The following VPS36 variants were observed in gnomAD, a reference collection of about 807,000 sequenced individuals.
VPS36 encodes vacuolar protein sorting 36 homolog.
Under a neutral mutation model 63.5 loss-of-function variants are expected in VPS36, and 31 were observed. The ratio of observed to expected loss-of-function variants is 0.49; its 90% confidence interval spans 0.37 to 0.66. The LOEUF is 0.66. Among genes scored for constraint, VPS36 ranks in the 30% least tolerant of loss-of-function variants. The probability of loss-of-function intolerance (pLI) is 0.00; values close to 1 mark genes in which losing one functional copy is unlikely to be tolerated. For synonymous variants in VPS36, 138 were observed against 157.2 expected (o/e 0.88, Z 0.91); for missense variants, 338 against 463.7 (o/e 0.73, Z 2.49).
chr13:52,438,977 C>T (rs1298913310), intron 3 of VPS36, 121 bp downstream of exon 3: 4 of 808,512 alleles, frequency 4.9e-6, no homozygotes, highest in South Asian at 2.4e-5. Flanking sequence ...TACAGCAAAC[C>T]TTAGCTTTAT....
chr13:52,442,818 T>C (rs1178663764), intron 1 of VPS36, among the ~76,000 whole-genome samples: 1 of 152,176 alleles, frequency 6.6e-6, no homozygotes, highest in Admixed American at 6.6e-5. Flanking sequence ...AGTATATGTG[T>C]GTGTCTGCAG....
intron 1 of VPS36, among the ~76,000 whole-genome samples, chr13:52,449,204 C>G (rs529705148): frequency 6.6e-6 from 1 of 152,226 alleles, no homozygotes; most frequent in South Asian, 2.1e-4. Flanking sequence ...ATTAGCCGGG[C>G]ATGGTTGCAG....
At chr13:52,443,439 AAG>A (rs1958301471) in intron 1 of VPS36, among the ~76,000 whole-genome samples, 1 of 152,144 alleles carries the variant, frequency 6.6e-6, no homozygotes, top group Admixed American at 6.5e-5. Context: ...TAAGAAGAGG[AAG>A]AGACAGGAGG....
At chr13:52,422,334 C>T (rs1182077063) in intron 10 of VPS36, among the ~76,000 whole-genome samples, 2 of 151,932 alleles carry the variant, frequency 1.3e-5, no homozygotes, top group Admixed American at 1.3e-4. Context: ...TTGTATGTAT[C>T]TGACATTTTC....
At chr13:52,428,176 CA>C (rs1457559813) in intron 6 of VPS36, among the ~76,000 whole-genome samples, 3 of 151,998 alleles carry the variant, frequency 2.0e-5, no homozygotes, top group Admixed American at 2.0e-4. Context: ...TTTGCTACAG[CA>C]AAAAACTACT....
At chr13:52,437,921 C>T (rs1009974208) in intron 3 of VPS36, among the ~76,000 whole-genome samples, 1 of 150,264 alleles carries the variant, frequency 6.7e-6, no homozygotes, top group South Asian at 2.1e-4. Context: ...CAAAGCAAGA[C>T]GCTGCCTCAA....
intron 8 of VPS36, 148 bp downstream of exon 8, chr13:52,426,841 C>T (rs868413073): frequency 2.8e-5 from 15 of 538,384 alleles, no homozygotes; most frequent in Middle Eastern, 1.0e-3. Flanking sequence ...GGCGACGGAG[C>T]GACACTCCGT....
intron 1 of VPS36, among the ~76,000 whole-genome samples, chr13:52,449,271 G>A (rs917604069): frequency 3.3e-5 from 5 of 152,198 alleles, no homozygotes; most frequent in African/African-American, 1.2e-4. Context: ...TCTGGGAGGC[G>A]GAGGTTGCAG....
chr13:52,430,610 C>T (rs1958145014), intron 6 of VPS36, among the ~76,000 whole-genome samples: 1 of 149,088 alleles, frequency 6.7e-6, no homozygotes, highest in Admixed American at 6.7e-5. Flanking sequence ...CCAGCGTGGG[C>T]AACAGAGCAA....
chr13:52,425,358 G>A (rs1958092115), intron 9 of VPS36, among the ~76,000 whole-genome samples: 2 of 152,100 alleles, frequency 1.3e-5, no homozygotes, highest in South Asian at 4.1e-4. Context: ...GTATTTAAAG[G>A]AGTATTTATC....
intron 10 of VPS36, among the ~76,000 whole-genome samples, chr13:52,421,432 G>A (rs550294360): frequency 3.3e-5 from 5 of 151,922 alleles, no homozygotes; most frequent in Non-Finnish European, 7.4e-5. Flanking sequence ...AGTTAAGACA[G>A]GAAGCATGAG....
At chr13:52,436,469 T>G in intron 3 of VPS36, 65 bp from the exon 4 acceptor site, 1 of 1,108,400 alleles carries the variant, frequency 9.0e-7, no homozygotes, top group Non-Finnish European at 1.3e-6. Context: ...ATTCTACTTT[T>G]ATAACTTTTT....
chr13:52,443,051 T>C (rs1437833963), intron 1 of VPS36, among the ~76,000 whole-genome samples: 2 of 151,910 alleles, frequency 1.3e-5, no homozygotes, highest in Non-Finnish European at 2.9e-5. Flanking sequence ...CATACAAAAA[T>C]AAATATGGAT....
intron 9 of VPS36, among the ~76,000 whole-genome samples, chr13:52,425,168 G>C (rs1437514357): frequency 1.3e-5 from 2 of 150,628 alleles, no homozygotes; most frequent in Non-Finnish European, 2.9e-5. Context: ...CAGGAGAATG[G>C]TGTGAACCTG....
chr13:52,441,415 A>G (rs1489276248), intron 2 of VPS36, among the ~76,000 whole-genome samples: 1 of 152,158 alleles, frequency 6.6e-6, no homozygotes, highest in Non-Finnish European at 1.5e-5. Flanking sequence ...GAATAAAGAT[A>G]TCAGCTCTAT....
Position 52,413,587 on chromosome 13 carries a change from T to C in VPS36, c.*2243A>G, listed in dbSNP as rs1438479519. The C allele has an allele frequency of 6.6e-6, 1 of 152,276 alleles. No homozygotes were observed. The highest frequency in any genetic ancestry group is 2.4e-5 in the African/African-American group (1 of 41,440). 9.4% of individuals were successfully genotyped at this position (152,276 alleles called of 1,614,324 possible). A position where few individuals can be genotyped will look rare whatever the true frequency, so the allele number is the denominator to read the frequency against. ...TTAACCCTGAAAACACAGTCTTCAC[T>C]AACACAATGTAAAAAAATTTTTTGA... On this transcript the variant is annotated 3_prime_UTR_variant, in exon 14 of 14. Transcript: ENST00000378060.
chr13:52,413,374 T>G lies in VPS36; in HGVS notation c.*2456A>C, dbSNP rs908570467. 1 of 152,048 alleles carries G rather than the reference T, an allele frequency of 6.6e-6. No homozygotes were observed. The highest frequency in any genetic ancestry group is 2.4e-5 in the African/African-American group (1 of 41,456). The allele number at this position is 152,048 out of a possible 1,614,324, so 9.4% of individuals were successfully genotyped here. Reference sequence around the variant, plus strand: ...GACAACTAAAACAGTAAGAGCTCAATGTCATAAGTATTTATAAGCAACTCT... The same window carrying G: ...GACAACTAAAACAGTAAGAGCTCAAGGTCATAAGTATTTATAAGCAACTCT... On this transcript the variant is annotated 3_prime_UTR_variant, in exon 14 of 14. Transcript: ENST00000378060.
rs770234669 is a variant in VPS36, at chr13:52,415,938, C to T, written c.1068-15G>A. The stretch of plus-strand genomic sequence containing the variant: ...CAAGCAGCAACCTAAAAAAAAACAA[C>T]AAAAAAACCCCCACACAATTATCTG... On this transcript the variant is annotated splice_polypyrimidine_tract_variant and intron_variant, in intron 13 of 13. Coordinates refer to ENST00000378060, the MANE Select transcript of VPS36 (RefSeq NM_016075.4). The T allele has an allele frequency of 6.8e-6, 11 of 1,612,474 alleles. No individual in the cohort carries two copies. The highest frequency in any genetic ancestry group is 8.5e-6 in the Non-Finnish European group (10 of 1,179,608).
chr13:52,426,300 G>A (rs985808180), intron 8 of VPS36, among the ~76,000 whole-genome samples: 10 of 152,126 alleles, frequency 6.6e-5, no homozygotes, highest in Admixed American at 2.6e-4. Context: ...TCATAAGTTT[G>A]ATGTGAAAGG....
Sources: gnomAD v4.1 joint callset for allele counts (sites outside exome capture counted in the v4.1 genomes callset) on GRCh38, gnomAD v4.1.1 for gene constraint, MANE v1.5 for transcripts, NCBI Gene and HGNC (gene_info 2026-07-23, HGNC 2026-07-21) for gene names.